Variants in DNAJC5B observed in about 807,000 individuals in gnomAD.
The protein encoded by DNAJC5B is DnaJ heat shock protein family (Hsp40) member C5 beta.
In DNAJC5B, 23 loss-of-function variants were observed where a neutral mutation model predicts 24.7. That is an observed-to-expected ratio of 0.93 (90% CI 0.67 to 1.32). The LOEUF is 1.32. DNAJC5B is among the 40% of genes most tolerant of loss of function. The pLI, the probability that DNAJC5B is intolerant of heterozygous loss-of-function variation, is 0.00. For missense variants in DNAJC5B, 238 were observed against 240.8 expected, an observed-to-expected ratio of 0.99 and a Z score of 0.08; for synonymous variants, 101 against 90.1, an observed-to-expected ratio of 1.12 and a Z score of -0.68.
intron 5 of DNAJC5B, among the ~76,000 whole-genome samples, chr8:66,092,198 A>G (rs1807862612): frequency 6.6e-6 from 1 of 152,244 alleles, no homozygotes; most frequent in Non-Finnish European, 1.5e-5. Flanking sequence ...TTCAAAATAT[A>G]TAGTAGGGGA....
intron 3 of DNAJC5B, among the ~76,000 whole-genome samples, chr8:66,062,514 C>G (rs77368195): frequency 6.6e-6 from 1 of 152,182 alleles, no homozygotes; most frequent in Non-Finnish European, 1.5e-5. Flanking sequence ...TACACCAATA[C>G]ATACATTTTT....
chr8:66,047,851 G>A lies in DNAJC5B; in HGVS notation c.-17-3680G>A, dbSNP rs186213249. 3.9e-5 allele frequency among the ~76,000 whole-genome samples: 6 copies of A among 152,278 alleles called. No homozygotes were observed. The East Asian group carries it at 1.2e-3, about 29-fold the overall frequency. On this transcript the variant is annotated intron_variant, in intron 2 of 5. Coordinates refer to ENST00000276570, the MANE Select transcript of DNAJC5B (RefSeq NM_033105.6). ...AAACCCTGTTGTTGCCAGGCCCACT[G>A]GCTGTGGGAGTAAATGTAGCCTTCC... is the stretch of plus-strand genomic sequence containing the variant.
At chr8:66,045,529 G>T (rs1806704220) in intron 2 of DNAJC5B, among the ~76,000 whole-genome samples, 1 of 152,128 alleles carries the variant, frequency 6.6e-6, no homozygotes. Context: ...TCCCGGGTGT[G>T]AGTTTTTATC....
chr8:66,076,455 G>T (rs1807464226), intron 3 of DNAJC5B, among the ~76,000 whole-genome samples: 1 of 152,180 alleles, frequency 6.6e-6, no homozygotes, highest in Non-Finnish European at 1.5e-5. Context: ...TGTGAGAGGA[G>T]AAATAGTACT....
At chr8:66,060,016 G>A (rs1807046715) in intron 3 of DNAJC5B, among the ~76,000 whole-genome samples, 1 of 152,214 alleles carries the variant, frequency 6.6e-6, no homozygotes, top group Admixed American at 6.5e-5. Context: ...CCTCTGGCAG[G>A]ATTGAGGCTG....
chr8:66,050,434 C>T (rs900197654), intron 2 of DNAJC5B, among the ~76,000 whole-genome samples: 7 of 152,226 alleles, frequency 4.6e-5, no homozygotes, highest in African/African-American at 1.4e-4. Context: ...CTGAACCCCA[C>T]TGAGGCTCTC....
intron 5 of DNAJC5B, among the ~76,000 whole-genome samples, chr8:66,097,229 A>G (rs1042853104): frequency 1.4e-5 from 2 of 147,998 alleles, no homozygotes; most frequent in African/African-American, 5.0e-5. Context: ...TTAAATTGTC[A>G]GAGTGTCTTT....
At chr8:66,053,209 G>C (rs913356777) in intron 3 of DNAJC5B, among the ~76,000 whole-genome samples, 1 of 152,196 alleles carries the variant, frequency 6.6e-6, no homozygotes, top group Non-Finnish European at 1.5e-5. Context: ...AGTGCCAGGA[G>C]AGCTTTGACA....
In DNAJC5B at chr8:66,033,403, A is replaced by G. The variant is rs571851377; in HGVS notation, c.-141-10085A>G. On this transcript the variant is annotated intron_variant, in intron 1 of 5. Transcript: ENST00000276570. Reference sequence around the variant, plus strand: ...GCTGAGATTCCTAATTGACTAGAATATGACTCACTTAGGACTCCCATTCCC... The same window carrying G: ...GCTGAGATTCCTAATTGACTAGAATGTGACTCACTTAGGACTCCCATTCCC... 2.5e-4 allele frequency among the ~76,000 whole-genome samples: 38 copies of G among 152,344 alleles called. No individual in the cohort carries two copies. In the South Asian group the frequency reaches 7.7e-3, roughly 31 times the overall value.
chr8:66,086,002 G>A (rs558221067), intron 5 of DNAJC5B, among the ~76,000 whole-genome samples: 2 of 152,264 alleles, frequency 1.3e-5, no homozygotes, highest in East Asian at 3.9e-4. Context: ...GGCATACAAA[G>A]CTGGTAATGT....
At chr8:66,054,290 A>T (rs970965927) in intron 3 of DNAJC5B, among the ~76,000 whole-genome samples, 2 of 152,198 alleles carry the variant, frequency 1.3e-5, no homozygotes, top group Admixed American at 6.5e-5. Context: ...GTTTAAAATT[A>T]GGCAAATTTG....
At chr8:66,080,626 A>G (rs1807575301) in intron 5 of DNAJC5B, 78 bp downstream of exon 5, 1 of 1,313,880 alleles carries the variant, frequency 7.6e-7, no homozygotes, top group South Asian at 1.5e-5. Context: ...GGGGACAGCT[A>G]TCACTATAGT....
At chr8:66,055,666 C>G (rs1230552094) in intron 3 of DNAJC5B, among the ~76,000 whole-genome samples, 1 of 152,130 alleles carries the variant, frequency 6.6e-6, no homozygotes, top group African/African-American at 2.4e-5. Context: ...AGACCAGGCA[C>G]GGTGGCTCAC....
At chr8:66,096,492 T>G (rs1360556971) in intron 5 of DNAJC5B, among the ~76,000 whole-genome samples, 1 of 152,158 alleles carries the variant, frequency 6.6e-6, no homozygotes, top group East Asian at 1.9e-4. Flanking sequence ...TGATGAATTT[T>G]TCTATTTCTC....
At chr8:66,039,954 C>A (rs1043133783) in intron 1 of DNAJC5B, among the ~76,000 whole-genome samples, 3 of 152,156 alleles carry the variant, frequency 2.0e-5, no homozygotes, top group Non-Finnish European at 4.4e-5. Context: ...CAAACTTCAA[C>A]CCTAGAAAAT....
intron 5 of DNAJC5B, among the ~76,000 whole-genome samples, chr8:66,086,693 A>G (rs1197268038): frequency 6.6e-6 from 1 of 152,194 alleles, no homozygotes; most frequent in South Asian, 2.1e-4. Context: ...AAGTGGAGCC[A>G]GGGCTTTATA....
intron 1 of DNAJC5B, among the ~76,000 whole-genome samples, chr8:66,031,771 G>A (rs1806365481): frequency 6.6e-6 from 1 of 152,170 alleles, no homozygotes; most frequent in South Asian, 2.1e-4. Context: ...GCCACTCACA[G>A]TGAGGGTGGG....
chr8:66,024,273 T>C lies in DNAJC5B; in HGVS notation c.-142+2568T>C, dbSNP rs144237441. ...GGCTTTACACAGTTGTTGTAATAAC[T>C]TTCAGCTTCCTTATTAATTTTAAAA... On this transcript the variant is annotated intron_variant, in intron 1 of 5. Transcript: ENST00000276570. Among the ~76,000 whole-genome samples, 223 of 152,338 alleles carry C rather than the reference T, an allele frequency of 1.5e-3. 1 individual carries two copies. The highest frequency in any genetic ancestry group is 5.1e-3 in the African/African-American group (212 of 41,582).
At chr8:66,018,450 CAG>C (rs547150433), upstream of DNAJC5B, among the ~76,000 whole-genome samples, 8 of 152,218 alleles carry the variant, frequency 5.3e-5, no homozygotes, top group African/African-American at 1.9e-4. Flanking sequence ...ACCCGGGAGA[CAG>C]AGGTTGCAGT....
Sources: gnomAD v4.1 joint callset for allele counts (sites outside exome capture counted in the v4.1 genomes callset) on GRCh38, gnomAD v4.1.1 for gene constraint, MANE v1.5 for transcripts, NCBI Gene and HGNC (gene_info 2026-07-23, HGNC 2026-07-21) for gene names.